The following WFS1 variants were observed in gnomAD, a reference collection of about 807,000 sequenced individuals.
The protein encoded by WFS1 is wolframin.
Under a neutral mutation model 68.5 loss-of-function variants are expected in WFS1, and 90 were observed. That is an observed-to-expected ratio of 1.31 (90% CI 1.11 to 1.56). The LOEUF (loss-of-function observed/expected upper bound fraction) is 1.56, where lower values mean the gene tolerates loss of function less well. Among genes scored for constraint, WFS1 ranks in the 40% most tolerant of loss-of-function variants. WFS1 has a pLI of 0.00. For synonymous variants in WFS1, 860 were observed against 540.7 expected (o/e 1.59, Z -8.19); for missense variants, 1,767 against 1,232.6 (o/e 1.43, Z -6.49).
In WFS1 at chr4:6,301,449, A is replaced by C. The variant is rs1174762769; in HGVS notation, c.1654A>C (p.Thr552Pro). The stretch of plus-strand genomic sequence containing the variant: ...CTCCGTGGTCATCCTGCTGGAGTCC[A>C]CCGGCCTGGGGCTGCTCCGCGCCTC... ...ELSVVILLES[T>P]GLGLLRASIG... Residue 552 changes from threonine to proline, a missense_variant, in exon 8 of 8, where the codon ACC (threonine) becomes CCC (proline). Transcript: ENST00000226760. 6.2e-7 allele frequency: 1 copy of C among 1,612,430 alleles called. No homozygotes were observed. Among genetic ancestry groups the C allele is most frequent in the East Asian group, 2.2e-5 (1 of 44,868 alleles).
intron 7 of WFS1, among the ~76,000 whole-genome samples, chr4:6,295,599 C>G (rs537242580): frequency 5.6e-4 from 85 of 152,330 alleles, no homozygotes; most frequent in Non-Finnish European, 7.9e-4. Flanking sequence ...AAACAAAGTG[C>G]CGTGTCCGTC....
At chr4:6,291,888 T>C in intron 5 of WFS1, 29 bp from the exon 6 acceptor site, 1 of 1,597,070 alleles carries the variant, frequency 6.3e-7, no homozygotes, top group Non-Finnish European at 8.5e-7. Context: ...TCAACTTGTC[T>C]GACTGTTAAT....
At chr4:6,275,581 G>A (rs1729968529) in intron 1 of WFS1, among the ~76,000 whole-genome samples, 1 of 125,688 alleles carries the variant, frequency 8.0e-6, no homozygotes, top group African/African-American at 3.1e-5. Context: ...TGCACCTGGG[G>A]GATGCACGGG....
chr4:6,289,369 G>A (rs998571853), intron 4 of WFS1, among the ~76,000 whole-genome samples: 1 of 152,196 alleles, frequency 6.6e-6, no homozygotes, highest in Non-Finnish European at 1.5e-5. Flanking sequence ...TCTCCAAGTG[G>A]TAACTATACA....
chr4:6,281,876 A>G (rs984473876), intron 2 of WFS1, among the ~76,000 whole-genome samples: 2 of 152,140 alleles, frequency 1.3e-5, no homozygotes, highest in Admixed American at 1.3e-4. Flanking sequence ...TGGCCACAGG[A>G]TCTGGTGGCA....
In WFS1 at chr4:6,277,534, C is replaced by T. The variant is rs1231525884; in HGVS notation, c.79C>T (p.Leu27Phe). 2.5e-6 allele frequency: 4 copies of T among 1,588,478 alleles called. No homozygotes were observed. Among genetic ancestry groups the T allele is most frequent in the Non-Finnish European group, 3.4e-6 (4 of 1,168,156 alleles). The stretch of plus-strand genomic sequence containing the variant: ...ACCGCAGCCCCAGGCGCGTTCCCGA[C>T]TCAATGCCACAGCCTCGTTGGAGCA... Reference protein sequence around the residue: ...PAPQPQARSRLNATASLEQER... With the variant: ...PAPQPQARSRFNATASLEQER... Residue 27 changes from leucine (L) to phenylalanine (F), a missense_variant, in exon 2 of 8, where the codon CTC becomes TTC. Transcript: ENST00000226760.
intron 1 of WFS1, among the ~76,000 whole-genome samples, chr4:6,273,944 C>G (rs1313227212): frequency 6.6e-6 from 1 of 152,234 alleles, no homozygotes; most frequent in East Asian, 1.9e-4. Context: ...CATAGGCCAG[C>G]TAGAATCTGT....
In WFS1 at chr4:6,289,021, C is replaced by G. The variant is rs141225426; in HGVS notation, c.350C>G (p.Thr117Arg). The change falls in exon 4 of 8, where the codon ACG becomes AGG. Residue 117 changes from threonine to arginine, a missense_variant. By Grantham distance (71) the Thr-to-Arg change is moderately conservative. Transcript: ENST00000226760. ...GKHYLQLAGD[T>R]DEELNSCTAV... ...CACTACCTGCAGTTGGCCGGCGACA[C>G]GGATGAAGAACTCAACAGCTGCACC... The G allele has an allele frequency of 6.8e-6, 11 of 1,607,870 alleles. No homozygotes were observed. Among genetic ancestry groups the G allele is most frequent in the Non-Finnish European group, 8.5e-6 (10 of 1,177,666 alleles).
chr4:6,291,401 T>G, intron 5 of WFS1, 34 bp downstream of exon 5: 1 of 1,607,354 alleles, frequency 6.2e-7, no homozygotes, highest in Non-Finnish European at 8.5e-7. Flanking sequence ...CAGCCTTCCC[T>G]GGGCGCCAGC....
In WFS1 at chr4:6,301,628, C is replaced by T. The variant is rs769265736; in HGVS notation, c.1833C>T (p.Arg611=). Residue 611 remains arginine (R), a synonymous_variant, in exon 8 of 8, where the codon CGC becomes CGT. Coordinates refer to ENST00000226760, the MANE Select transcript of WFS1 (RefSeq NM_006005.3). ...VAVCSVPLLL[R]WWTKASFSVV... is the part of the protein sequence containing the mutation. Reference sequence around the variant, plus strand: ...TCTGTAGTGTGCCCCTGCTGTTGCGCTGGTGGACCAAGGCCAGCTTCTCTG... The same window carrying T: ...TCTGTAGTGTGCCCCTGCTGTTGCGTTGGTGGACCAAGGCCAGCTTCTCTG... The T allele has an allele frequency of 5.6e-6, 9 of 1,614,008 alleles. No homozygotes were observed. The highest frequency in any genetic ancestry group is 4.5e-5 in the East Asian group (2 of 44,878).
At position 6,301,414 on chromosome 4, in the gene WFS1, G is replaced by A. The variant is rs1335076773; in HGVS notation, c.1619G>A (p.Trp540Ter). Residue 540 changes from tryptophan (W) to a stop codon, truncating the protein, a stop_gained, in exon 8 of 8, where the codon TGG becomes TAG. Transcript: ENST00000226760. LOFTEE classifies it high-confidence loss of function. ...GTGCCCTACCTGGTGTGCTTCATGT[G>A]GTGTGAGCTCTCCGTGGTCATCCTG... is the stretch of plus-strand genomic sequence containing the variant. Reference protein sequence around the residue: ...YLVPYLVCFMWCELSVVILLE... With the variant: ...YLVPYLVCFM The A allele has an allele frequency of 4.3e-6, 7 of 1,612,376 alleles. No homozygotes were observed. Among genetic ancestry groups the A allele is most frequent in the Non-Finnish European group, 5.9e-6 (7 of 1,180,054 alleles).
chr4:6,279,695 C>T (rs889140615), intron 2 of WFS1, among the ~76,000 whole-genome samples: 2 of 152,176 alleles, frequency 1.3e-5, no homozygotes, highest in African/African-American at 2.4e-5. Context: ...GCTCATGTAG[C>T]GCGGGGGACA....
chr4:6,289,813 A>G (rs547745548), intron 4 of WFS1, among the ~76,000 whole-genome samples: 152 of 152,160 alleles, frequency 1.0e-3, no homozygotes, highest in African/African-American at 3.5e-3. Context: ...CTTTTTTTTC[A>G]GATTGTAAGA....
chr4:6,301,581 A>C lies in WFS1; in HGVS notation c.1786A>C (p.Lys596Gln), dbSNP rs757393140. 2.2e-5 allele frequency: 36 copies of C among 1,614,104 alleles called. No homozygotes were observed. The South Asian group carries it at 3.7e-4, about 17-fold the overall frequency. The change falls in exon 8 of 8, where the codon AAG (lysine) becomes CAG (glutamine). Residue 596 changes from lysine (K) to glutamine (Q), a missense_variant. By Grantham distance (53) the Lys-to-Gln change is moderately conservative (BLOSUM62 1). Transcript: ENST00000226760. Reference sequence around the variant, plus strand: ...GTGGTTCACGTCTCTGGAGCTCACCAAGATCGCAGTCACCGTGGCGGTCTG... The same window carrying C: ...GTGGTTCACGTCTCTGGAGCTCACCCAGATCGCAGTCACCGTGGCGGTCTG... The part of the protein sequence containing the change: ...ARWFTSLELT[K>Q]IAVTVAVCSV...
intron 6 of WFS1, 127 bp downstream of exon 6, chr4:6,292,124 A>G: frequency 3.1e-6 from 3 of 978,862 alleles, no homozygotes; most frequent in Non-Finnish European, 3.2e-6. Context: ...CTGCGCCTGC[A>G]GGGCGACCTC....
At chr4:6,278,604 G>A (rs1434443808) in intron 2 of WFS1, among the ~76,000 whole-genome samples, 1 of 152,230 alleles carries the variant, frequency 6.6e-6, no homozygotes, top group Non-Finnish European at 1.5e-5. Context: ...GGTGAGAGAC[G>A]AGGTGCTCGA....
chr4:6,300,434 G>C (rs1730836079), intron 7 of WFS1, among the ~76,000 whole-genome samples: 1 of 152,098 alleles, frequency 6.6e-6, no homozygotes, highest in Non-Finnish European at 1.5e-5. Flanking sequence ...GGGGCAGAGG[G>C]GGGCTCCAGG....
intron 6 of WFS1, among the ~76,000 whole-genome samples, chr4:6,292,412 A>AC (rs138123022): frequency 0.075 from 11,391 of 152,028 alleles, 548 homozygotes; most frequent in Middle Eastern, 0.13. Flanking sequence ...GGCCCAGGAG[A>AC]CCCAGCAGGG....
chr4:6,270,577 T>TCC (rs1729805690), intron 1 of WFS1, among the ~76,000 whole-genome samples: 1 of 152,072 alleles, frequency 6.6e-6, no homozygotes, highest in Non-Finnish European at 1.5e-5. Flanking sequence ...GCAGTTCCTC[T>TCC]CTCTCTCGGG....
Sources: gnomAD v4.1 joint callset for allele counts (sites outside exome capture counted in the v4.1 genomes callset) on GRCh38, gnomAD v4.1.1 for gene constraint, MANE v1.5 for transcripts, NCBI Gene and HGNC (gene_info 2026-07-23, HGNC 2026-07-21) for gene names.